The following SPDYE3 variants were observed in gnomAD, a reference collection of about 807,000 sequenced individuals.
SPDYE3 encodes the protein speedy/RINGO cell cycle regulator family member E3, also known as speedy protein E3.
A neutral mutation model predicts 55.0 loss-of-function variants in SPDYE3; 15 were observed. The observed-to-expected ratio is 0.27, with a 90% CI of 0.18 to 0.42. The LOEUF is 0.42. Ranked by LOEUF, SPDYE3 falls within the 10% of genes least tolerant of loss-of-function variation. The pLI is 1.00. For synonymous variants in SPDYE3, 89 were observed against 229.9 expected (o/e 0.39, Z 5.55); for missense variants, 236 against 576.7 (o/e 0.41, Z 6.05).
Position 100,314,611 on chromosome 7 carries a change from T to A in SPDYE3, c.1062T>A (p.Asp354Glu). The A allele has an allele frequency of 7.1e-7, 1 of 1,412,132 alleles. No individual in the cohort carries two copies. Among genetic ancestry groups the A allele is most frequent in the Non-Finnish European group, 9.7e-7 (1 of 1,032,942 alleles). The allele number at this position is 1,412,132 out of a possible 1,614,324, so 87.5% of individuals were successfully genotyped here. The change falls in exon 6 of 11, where the codon GAT becomes GAA. Residue 354 changes from aspartate to glutamate, a missense_variant. By Grantham distance (45) the Asp-to-Glu change is conservative (BLOSUM62 2). Coordinates refer to ENST00000332397, the MANE Select transcript of SPDYE3 (RefSeq NM_001004351.5). The part of the protein sequence containing the change: ...RKRECLDESD[D>E]EPEKELAPEP... ...GGGAGTGTTTGGATGAATCTGATGA[T>A]GAGCCAGAGAAGGAGCTCGCCCCTG...
Position 100,321,111 on chromosome 7 carries a change from T to C in SPDYE3, c.*266T>C, listed in dbSNP as rs1224704566. The C allele has an allele frequency of 1.7e-6, 1 of 576,970 alleles. No homozygotes were observed. Among genetic ancestry groups the C allele is most frequent in the Non-Finnish European group, 3.2e-6 (1 of 314,690 alleles). The allele number at this position is 576,970 out of a possible 1,614,324, so 35.7% of individuals were successfully genotyped here. Reference sequence around the variant, plus strand: ...TTGGAGAAAAGTAAGAAACCAGGAGTGTTTCCAGTTCCACCCTTTCCTGCG... The same window carrying C: ...TTGGAGAAAAGTAAGAAACCAGGAGCGTTTCCAGTTCCACCCTTTCCTGCG... On this transcript the variant is annotated 3_prime_UTR_variant, in exon 11 of 11. Transcript: ENST00000332397.
chr7:100,319,404 T>C (rs1265529865), intron 8 of SPDYE3, among the ~76,000 whole-genome samples, 161 bp from the exon 9 acceptor site: 1 of 152,176 alleles, frequency 6.6e-6, no homozygotes, highest in Non-Finnish European at 1.5e-5. Flanking sequence ...TGATCAGGTC[T>C]CTGTCCAGCA....
In SPDYE3 at chr7:100,321,108, G is replaced by C. The variant is rs1789570678; in HGVS notation, c.*263G>C. 6 of 598,100 alleles carry C rather than the reference G, an allele frequency of 1.0e-5. No individual in the cohort carries two copies. The highest frequency in any genetic ancestry group is 1.8e-5 in the Non-Finnish European group (6 of 333,546). The allele number at this position is 598,100 out of a possible 1,614,324, so 37.0% of individuals were successfully genotyped here. A position where few individuals can be genotyped will look rare whatever the true frequency, so the allele number is the denominator to read the frequency against. On this transcript the variant is annotated 3_prime_UTR_variant, in exon 11 of 11. Transcript: ENST00000332397. ...TCCTTGGAGAAAAGTAAGAAACCAG[G>C]AGTGTTTCCAGTTCCACCCTTTCCT...
rs1584995546 is a variant in SPDYE3 at position 100,308,963 on chromosome 7, T to A, written c.107-11T>A. ...AGAAGCATTACACGGTGGCCTGGTTTCTTTACTCAGCCCCTGGGGTAGATC... is the reference window on the plus strand; with the variant it reads ...AGAAGCATTACACGGTGGCCTGGTTACTTTACTCAGCCCCTGGGGTAGATC... On this transcript the variant is annotated splice_polypyrimidine_tract_variant and intron_variant, in intron 1 of 10. Transcript: ENST00000332397. 1 of 579,914 alleles carries A rather than the reference T, an allele frequency of 1.7e-6. No individual in the cohort carries two copies. The highest frequency in any genetic ancestry group is 2.0e-5 in the South Asian group (1 of 49,354). 35.9% of individuals were successfully genotyped at this position (579,914 alleles called of 1,614,324 possible).
chr7:100,311,372 GC>G (rs1805951449), intron 3 of SPDYE3, among the ~76,000 whole-genome samples: 1 of 123,920 alleles, frequency 8.1e-6, no homozygotes. Context: ...TGTAATCCCA[GC>G]TACCTGAGAG....
rs1789534104 is a variant in SPDYE3 at position 100,319,860 on chromosome 7, G to A, written c.1590+52G>A. On this transcript the variant is annotated intron_variant, in intron 9 of 10. Coordinates refer to ENST00000332397, the MANE Select transcript of SPDYE3 (RefSeq NM_001004351.5). ...ATGTGGGGAGGAATCGGGTGGGCTG[G>A]AGGCTGGACGAGGGGAGAGAGGGGT... 4 of 1,613,774 alleles carry A rather than the reference G, an allele frequency of 2.5e-6. No individual in the cohort carries two copies. In the South Asian group the frequency reaches 4.4e-5, roughly 18 times the overall value.
In SPDYE3 at chr7:100,317,191, A is replaced by C. The variant is rs780214209; in HGVS notation, c.1346+36A>C. 2.5e-6 allele frequency: 4 copies of C among 1,610,054 alleles called. No homozygotes were observed. The African/African-American group carries it at 5.3e-5, about 22-fold the overall frequency. Reference sequence around the variant, plus strand: ...TGCTGCCTCCTATCCATCAATATCCAACGCCCTGGGACAGCGGGGGAAGTG... The same window carrying C: ...TGCTGCCTCCTATCCATCAATATCCCACGCCCTGGGACAGCGGGGGAAGTG... On this transcript the variant is annotated intron_variant, in intron 8 of 10. Transcript: ENST00000332397.
intron 6 of SPDYE3, among the ~76,000 whole-genome samples, chr7:100,315,385 C>G (rs1806077382): frequency 6.6e-6 from 1 of 152,178 alleles, no homozygotes; most frequent in Non-Finnish European, 1.5e-5. Flanking sequence ...ATGTTTCTTA[C>G]TGACTTTTCT....
intron 7 of SPDYE3, among the ~76,000 whole-genome samples, chr7:100,316,633 C>T (rs1216780648): frequency 6.6e-6 from 1 of 152,078 alleles, no homozygotes; most frequent in African/African-American, 2.4e-5. Context: ...CCTCAGGACT[C>T]TGCTGGTCTC....
chr7:100,311,259 C>T (rs1219921772), intron 3 of SPDYE3, among the ~76,000 whole-genome samples: 98 of 92,364 alleles, frequency 1.1e-3, no homozygotes, highest in African/African-American at 3.7e-3. Context: ...CCAAGGCAGG[C>T]GGATCACGTG....
chr7:100,307,845 A>T lies in SPDYE3; in HGVS notation c.-41A>T. 1.9e-6 allele frequency: 3 copies of T among 1,543,160 alleles called. No homozygotes were observed. Among genetic ancestry groups the T allele is most frequent in the Non-Finnish European group, 2.6e-6 (3 of 1,151,140 alleles). On this transcript the variant is annotated 5_prime_UTR_variant, in exon 1 of 11. Coordinates refer to ENST00000332397, the MANE Select transcript of SPDYE3 (RefSeq NM_001004351.5). The stretch of plus-strand genomic sequence containing the variant: ...CAGAAGAAGACCAAGGACAGAACAG[A>T]GACTAGCTTCGGTGAGATTGGACAG...
Position 100,321,500 on chromosome 7 carries a change from A to C in SPDYE3, c.*655A>C, listed in dbSNP as rs1159199333. Reference sequence around the variant, plus strand: ...ATAATTTTCTTTTCATTTTTAAGTGAGAATTCTTTTTATCCTAAATCTTTT... The same window carrying C: ...ATAATTTTCTTTTCATTTTTAAGTGCGAATTCTTTTTATCCTAAATCTTTT... On this transcript the variant is annotated 3_prime_UTR_variant, in exon 11 of 11. Coordinates refer to ENST00000332397, the MANE Select transcript of SPDYE3 (RefSeq NM_001004351.5). 3 of 161,706 alleles carry C rather than the reference A, an allele frequency of 1.9e-5. No homozygotes were observed. The highest frequency in any genetic ancestry group is 4.0e-5 in the Non-Finnish European group (3 of 74,132). The allele number at this position is 161,706 out of a possible 1,614,324, so 10.0% of individuals were successfully genotyped here. A position where few individuals can be genotyped will look rare whatever the true frequency, so the allele number is the denominator to read the frequency against.
chr7:100,317,873 GGCTGA>G, intron 8 of SPDYE3, among the ~76,000 whole-genome samples: 1 of 150,554 alleles, frequency 6.6e-6, no homozygotes, highest in East Asian at 1.9e-4. Flanking sequence ...CTACTCGGGA[GGCTGA>G]GGGAGGAGAA....
intron 7 of SPDYE3, among the ~76,000 whole-genome samples, chr7:100,316,128 G>A (rs191385372): frequency 5.7e-4 from 86 of 152,170 alleles, no homozygotes; most frequent in African/African-American, 2.0e-3. Flanking sequence ...GAACCACCAC[G>A]CCTGGCTAAT....
At position 100,321,688 on chromosome 7, in the gene SPDYE3, A is replaced by C. The variant is rs1017236307; in HGVS notation, c.*843A>C. ...ATTTGCTGTTTAGGTTTGTGACTGA[A>C]TTGTGAGAATTCAGTTGTGATTTTT... On this transcript the variant is annotated 3_prime_UTR_variant, in exon 11 of 11. Coordinates refer to ENST00000332397, the MANE Select transcript of SPDYE3 (RefSeq NM_001004351.5). 1.3e-5 allele frequency: 2 copies of C among 151,482 alleles called. No homozygotes were observed. The highest frequency in any genetic ancestry group is 6.6e-5 in the Admixed American group (1 of 15,208). 9.4% of individuals were successfully genotyped at this position (151,482 alleles called of 1,614,324 possible).
In SPDYE3 at chr7:100,307,761, T is replaced by A. The variant is rs1488608654; in HGVS notation, c.-125T>A. On this transcript the variant is annotated 5_prime_UTR_variant, in exon 1 of 11. Coordinates refer to ENST00000332397, the MANE Select transcript of SPDYE3 (RefSeq NM_001004351.5). ...GTAACTTCTCAGAGCTGTTCTCCAC[T>A]CCTGACTTCTCCCAGCCTCGAGAAT... The A allele has an allele frequency of 7.8e-6, 11 of 1,418,890 alleles. No homozygotes were observed. The highest frequency in any genetic ancestry group is 1.4e-5 in the African/African-American group (1 of 69,808). 87.9% of individuals were successfully genotyped at this position (1,418,890 alleles called of 1,614,324 possible).
At chr7:100,317,835 G>T (rs1806142719) in intron 8 of SPDYE3, among the ~76,000 whole-genome samples, 1 of 150,974 alleles carries the variant, frequency 6.6e-6, no homozygotes, top group Non-Finnish European at 1.5e-5. Context: ...AATTAGCCAG[G>T]TGTGGTGGCG....
At chr7:100,317,631 A>T (rs191781868) in intron 8 of SPDYE3, among the ~76,000 whole-genome samples, 1 of 150,834 alleles carries the variant, frequency 6.6e-6, no homozygotes, top group Admixed American at 6.6e-5. Flanking sequence ...AAAAAAAAAA[A>T]CAGGCAAAAA....
rs546672565 is a variant in SPDYE3 at position 100,319,958 on chromosome 7, G to T, written c.1618G>T (p.Val540Leu). The T allele has an allele frequency of 1.9e-6, 3 of 1,611,172 alleles. No homozygotes were observed. The highest frequency in any genetic ancestry group is 1.3e-5 in the African/African-American group (1 of 74,942). The change falls in exon 10 of 11, where the codon GTG (valine) becomes TTG (leucine). Residue 540 changes from valine (V) to leucine (L), a missense_variant. By Grantham distance (32) the Val-to-Leu change is conservative. Coordinates refer to ENST00000332397, the MANE Select transcript of SPDYE3 (RefSeq NM_001004351.5). Reference protein sequence around the residue: ...EIQAYDPEHWVWARDRAHLS With the variant: ...EIQAYDPEHWLWARDRAHLS ...CCAGGCTTATGACCCAGAGCACTGG[G>T]TGTGGGCGCGAGATCGCGCCCACCT...
Sources: gnomAD v4.1 joint callset for allele counts (sites outside exome capture counted in the v4.1 genomes callset) on GRCh38, gnomAD v4.1.1 for gene constraint, MANE v1.5 for transcripts, NCBI Gene and HGNC (gene_info 2026-07-23, HGNC 2026-07-21) for gene names.